The following TGFB1 variants were observed in gnomAD, a reference collection of about 807,000 sequenced individuals.
TGFB1 encodes transforming growth factor beta-1 proprotein.
TGFB1 carries 19 observed loss-of-function variants against 43.8 expected under a neutral mutation model. The observed-to-expected ratio is 0.43, with a 90% CI of 0.30 to 0.64. TGFB1 has a LOEUF of 0.64. Among genes scored for constraint, TGFB1 ranks in the 30% least tolerant of loss-of-function variants. The probability of loss-of-function intolerance (pLI) is 0.11; values close to 1 mark genes in which losing one functional copy is unlikely to be tolerated. For synonymous variants in TGFB1, 221 were observed against 236.3 expected (o/e 0.94, Z 0.60); for missense variants, 445 against 529.8 (o/e 0.84, Z 1.57).
rs751217033 is a variant in TGFB1 at position 41,352,933 on chromosome 19, T to C, written c.112A>G (p.Met38Val). 5.1e-6 allele frequency: 8 copies of C among 1,555,348 alleles called. No individual in the cohort carries two copies. The highest frequency in any genetic ancestry group is 6.9e-6 in the Non-Finnish European group (8 of 1,151,756). The change falls in exon 1 of 7, where the codon ATG (methionine) becomes GTG (valine). Residue 38 changes from methionine (M) to valine (V), a missense_variant. Physicochemically the swap from Met to Val is conservative, Grantham distance 21. Around this residue, in one of 3 missense-constraint regions of TGFB1, gnomAD observed 366 missense variants for 428.8 expected, o/e 0.85. Coordinates refer to ENST00000221930, the MANE Select transcript of TGFB1 (RefSeq NM_000660.7). ...AGLSTCKTIDMELVKRKRIEA... is the reference protein window; with the variant it reads ...AGLSTCKTIDVELVKRKRIEA... ...ATGCGCTTCCGCTTCACCAGCTCCA[T>C]GTCGATAGTCTTGCAGGTGGATAGT... is the stretch of plus-strand genomic sequence containing the variant.
At chr19:41,341,755 C>T in intron 5 of TGFB1, 128 bp downstream of exon 5, 1 of 1,266,558 alleles carries the variant, frequency 7.9e-7, no homozygotes, top group Non-Finnish European at 1.1e-6. Flanking sequence ...CTGAGCCCTC[C>T]AAGCTAAAGG....
intron 1 of TGFB1, among the ~76,000 whole-genome samples, chr19:41,349,936 A>G (rs1157782577): frequency 6.6e-6 from 1 of 151,808 alleles, no homozygotes; most frequent in Non-Finnish European, 1.5e-5. Flanking sequence ...ATAGCTGCAG[A>G]CTGGGATTCA....
At chr19:41,349,711 T>C (rs1461572091) in intron 1 of TGFB1, among the ~76,000 whole-genome samples, 5 of 152,028 alleles carry the variant, frequency 3.3e-5, no homozygotes, top group African/African-American at 9.7e-5. Context: ...GTGCCGAGAT[T>C]GCGCCACTGC....
chr19:41,337,464 A>G (rs938142782), intron 5 of TGFB1, among the ~76,000 whole-genome samples: 1 of 151,890 alleles, frequency 6.6e-6, no homozygotes, highest in Non-Finnish European at 1.5e-5. Flanking sequence ...TTTAGTACAG[A>G]CAGGGTTTCA....
At chr19:41,340,251 C>CTT (rs3061188) in intron 5 of TGFB1, among the ~76,000 whole-genome samples, 15 of 125,198 alleles carry the variant, frequency 1.2e-4, no homozygotes, top group African/African-American at 2.2e-4. Flanking sequence ...CACTTTCTTT[C>CTT]TTTTTTTTTT....
At chr19:41,346,245 G>T (rs1043758834) in intron 2 of TGFB1, among the ~76,000 whole-genome samples, 1 of 152,170 alleles carries the variant, frequency 6.6e-6, no homozygotes, top group African/African-American at 2.4e-5. Flanking sequence ...AGCTGCTCGG[G>T]TGGCTGAGGC....
At chr19:41,349,900 G>C (rs1485184738) in intron 1 of TGFB1, among the ~76,000 whole-genome samples, 5 of 151,992 alleles carry the variant, frequency 3.3e-5, no homozygotes, top group African/African-American at 1.2e-4. Flanking sequence ...GAGGCACCGA[G>C]ATTAAGTAAT....
At chr19:41,348,489 G>A in intron 1 of TGFB1, 34 bp from the exon 2 acceptor site, 5 of 1,608,460 alleles carry the variant, frequency 3.1e-6, no homozygotes, top group Non-Finnish European at 4.2e-6. Context: ...GCGATCAGGG[G>A]TTTGGCAGAG....
intron 5 of TGFB1, among the ~76,000 whole-genome samples, chr19:41,333,511 C>T (rs893136950): frequency 5.3e-5 from 8 of 152,102 alleles, no homozygotes; most frequent in Non-Finnish European, 1.0e-4. Flanking sequence ...CTGCATCTGG[C>T]CTATTTATTC....
intron 5 of TGFB1, among the ~76,000 whole-genome samples, chr19:41,341,549 G>A (rs934811971): frequency 6.6e-6 from 1 of 150,758 alleles, no homozygotes; most frequent in African/African-American, 2.4e-5. Flanking sequence ...TTGTGGCTGG[G>A]ATTATAGGCG....
intron 2 of TGFB1, among the ~76,000 whole-genome samples, chr19:41,346,210 T>A (rs1989457): frequency 6.6e-6 from 1 of 151,832 alleles, no homozygotes; most frequent in African/African-American, 2.4e-5. Flanking sequence ...ATTAGCTAGG[T>A]GTGGTGGTGC....
At chr19:41,338,833 T>C (rs1431549303) in intron 5 of TGFB1, among the ~76,000 whole-genome samples, 2 of 147,088 alleles carry the variant, frequency 1.4e-5, no homozygotes, top group African/African-American at 5.1e-5. Flanking sequence ...AGACTCTGTC[T>C]CCAAAAAAAA....
At chr19:41,343,251 C>CA (rs1258968497) in intron 3 of TGFB1, among the ~76,000 whole-genome samples, 1 of 151,678 alleles carries the variant, frequency 6.6e-6, no homozygotes, top group Non-Finnish European at 1.5e-5. Flanking sequence ...TCTCCTGCCT[C>CA]AGCCTCCCGA....
At chr19:41,352,582 C>T in intron 1 of TGFB1, 108 bp downstream of exon 1, 1 of 1,365,190 alleles carries the variant, frequency 7.3e-7, no homozygotes, top group Non-Finnish European at 1.0e-6. Context: ...CCGGGGTGTC[C>T]TCTTCCTCCA....
At chr19:41,347,049 G>T (rs571186088) in intron 2 of TGFB1, among the ~76,000 whole-genome samples, 3 of 151,766 alleles carry the variant, frequency 2.0e-5, no homozygotes, top group African/African-American at 7.3e-5. Context: ...TTTTGAGACG[G>T]TCTCGCTCCA....
chr19:41,352,558 A>C, intron 1 of TGFB1, 132 bp downstream of exon 1: 1 of 1,093,006 alleles, frequency 9.1e-7, no homozygotes, highest in Non-Finnish European at 1.3e-6. Context: ...CCACCATCAC[A>C]CGTTCCCTTT....
intron 5 of TGFB1, among the ~76,000 whole-genome samples, chr19:41,340,466 G>C (rs1191326569): frequency 6.6e-6 from 1 of 151,918 alleles, no homozygotes; most frequent in Non-Finnish European, 1.5e-5. Flanking sequence ...ATTTTTAATA[G>C]AGATGGGGTT....
intron 1 of TGFB1, among the ~76,000 whole-genome samples, chr19:41,352,399 T>G (rs12978333): frequency 1.6e-5 from 2 of 123,544 alleles, no homozygotes; most frequent in East Asian, 5.7e-4. Flanking sequence ...CTCCCCCTAT[T>G]GCTTGTCTCC....
intron 5 of TGFB1, among the ~76,000 whole-genome samples, chr19:41,340,094 G>A (rs2038037875): frequency 6.6e-6 from 1 of 152,114 alleles, no homozygotes; most frequent in South Asian, 2.1e-4. Flanking sequence ...AGCATCTTAT[G>A]ATTCTAACAT....
Sources: gnomAD v4.1 joint callset for allele counts (sites outside exome capture counted in the v4.1 genomes callset) on GRCh38, gnomAD v4.1.1 for gene constraint, gnomAD v4.1.1 regional missense constraint, MANE v1.5 for transcripts, NCBI Gene and HGNC (gene_info 2026-07-23, HGNC 2026-07-21) for gene names.